The following POLR1D variants were observed in gnomAD, a reference collection of about 807,000 sequenced individuals.
The protein encoded by POLR1D is RNA polymerase I and III subunit D.
In POLR1D, 8 loss-of-function variants were observed where a neutral mutation model predicts 10.8. That is an observed-to-expected ratio of 0.74 (90% CI 0.43 to 1.33). The LOEUF (loss-of-function observed/expected upper bound fraction) is 1.33. POLR1D is among the 40% of genes most tolerant of loss of function. The pLI, the probability that POLR1D is intolerant of heterozygous loss-of-function variation, is 0.01. For synonymous variants in POLR1D, 54 were observed against 57.2 expected (o/e 0.94, Z 0.25); for missense variants, 152 against 161.7 (o/e 0.94, Z 0.32).
At chr13:27,629,864 C>G (rs533393110) in intron 1 of POLR1D, among the ~76,000 whole-genome samples, 2 of 152,284 alleles carry the variant, frequency 1.3e-5, no homozygotes, top group African/African-American at 2.4e-5. Context: ...AGGGCTCAAT[C>G]TAGGTCAGTT....
At chr13:27,621,889 G>C (rs964445193), upstream of POLR1D, 11 of 1,341,160 alleles carry the variant, frequency 8.2e-6, no homozygotes, top group Non-Finnish European at 1.2e-5. Context: ...TCCGTCGGTC[G>C]GTCCTTGCTT....
intron 1 of POLR1D, among the ~76,000 whole-genome samples, chr13:27,637,443 AC>A (rs1040621157): frequency 2.0e-5 from 3 of 151,870 alleles, no homozygotes; most frequent in African/African-American, 7.3e-5. Flanking sequence ...TCAATATAAA[AC>A]CTTATTTGCA....
At chr13:27,635,787 T>C (rs1158238027) in intron 1 of POLR1D, among the ~76,000 whole-genome samples, 1 of 150,834 alleles carries the variant, frequency 6.6e-6, no homozygotes, top group Non-Finnish European at 1.5e-5. Flanking sequence ...GAAAGGATAG[T>C]AGAAATATCT....
chr13:27,659,424 G>A lies in POLR1D; in HGVS notation c.102-6262G>A, dbSNP rs147945094. On this transcript the variant is annotated intron_variant, in intron 2 of 2. Transcript: ENST00000399697. ...CTTGGCAATATTTTCAGGCCACAGA[G>A]ATCCAAAGCCTTTATACGTATAGAA... Among the ~76,000 whole-genome samples the A allele has an allele frequency of 6.4e-3, 974 of 152,316 alleles. 9 individuals carry two copies. The highest frequency in any genetic ancestry group is 0.014 in the Middle Eastern group (4 of 294).
exon 3 of POLR1D, chr13:27,666,414 G>A (rs577146025): frequency 3.2e-4 from 49 of 154,874 alleles, no homozygotes; most frequent in African/African-American, 1.1e-3. Context: ...GCCCTCCAAG[G>A]TCTGGGAATT....
intron 1 of POLR1D, among the ~76,000 whole-genome samples, chr13:27,647,684 CAT>C (rs1259900365): frequency 6.6e-6 from 1 of 152,180 alleles, no homozygotes; most frequent in African/African-American, 2.4e-5. Flanking sequence ...TAATCTTCCA[CAT>C]ATGTGGATAT....
intron 1 of POLR1D, among the ~76,000 whole-genome samples, chr13:27,638,172 C>G (rs1056924423): frequency 3.9e-5 from 6 of 152,160 alleles, no homozygotes; most frequent in African/African-American, 1.2e-4. Context: ...CTAGAGTGGG[C>G]TACACCCTCT....
downstream of POLR1D, among the ~76,000 whole-genome samples, chr13:27,624,261 A>G (rs1271801600): frequency 1.3e-5 from 2 of 152,120 alleles, no homozygotes; most frequent in Non-Finnish European, 2.9e-5. Context: ...TGGCCTTGGC[A>G]TTTACTATGC....
At chr13:27,633,135 G>C (rs1416354953) in intron 1 of POLR1D, among the ~76,000 whole-genome samples, 1 of 152,166 alleles carries the variant, frequency 6.6e-6, no homozygotes, top group Admixed American at 6.5e-5. Context: ...TAGAGTGCCA[G>C]AGGAGTAGCC....
At chr13:27,655,440 T>C (rs1956299770) in intron 2 of POLR1D, among the ~76,000 whole-genome samples, 1 of 152,186 alleles carries the variant, frequency 6.6e-6, no homozygotes, top group South Asian at 2.1e-4. Flanking sequence ...AAAAATGTCT[T>C]TTATAGTGGT....
intron 2 of POLR1D, among the ~76,000 whole-genome samples, chr13:27,649,076 A>G (rs1956245030): frequency 6.6e-6 from 1 of 152,186 alleles, no homozygotes; most frequent in Admixed American, 6.5e-5. Flanking sequence ...CAAACCAAAA[A>G]AAACACCCTT....
chr13:27,642,793 A>G (rs1231611453), intron 1 of POLR1D, among the ~76,000 whole-genome samples: 1 of 152,228 alleles, frequency 6.6e-6, no homozygotes. Flanking sequence ...TTTTATCCTC[A>G]TAACAACCCT....
At position 27,644,367 on chromosome 13, in the gene POLR1D, G is replaced by C. The variant is rs1956200796; in HGVS notation, c.27-4012G>C. 3.3e-5 allele frequency among the ~76,000 whole-genome samples: 5 copies of C among 152,322 alleles called. No homozygotes were observed. In the South Asian group the frequency reaches 1.0e-3, roughly 32 times the overall value. On this transcript the variant is annotated intron_variant, in intron 1 of 2. Transcript: ENST00000399697. Reference sequence around the variant, plus strand: ...TAATTTGTTTGACTTTGGATTTTAAGATGATTTTGTACCAGATTTGCATTC... The same window carrying C: ...TAATTTGTTTGACTTTGGATTTTAACATGATTTTGTACCAGATTTGCATTC...
At chr13:27,623,672 A>C (rs1472109426), downstream of POLR1D, among the ~76,000 whole-genome samples, 1 of 137,922 alleles carries the variant, frequency 7.3e-6, no homozygotes, top group Non-Finnish European at 1.6e-5. Context: ...GTTGTTTAAA[A>C]ACAGAAGGAA....
At chr13:27,648,373 T>C (rs756175577) in intron 1 of POLR1D, 1 of 1,590,508 alleles carries the variant, frequency 6.3e-7, no homozygotes, top group South Asian at 1.1e-5. Context: ...TCCTTTTTCT[T>C]ATCAGGAAAG....
At chr13:27,654,421 A>G (rs975261622) in intron 2 of POLR1D, among the ~76,000 whole-genome samples, 1 of 152,330 alleles carries the variant, frequency 6.6e-6, no homozygotes, top group African/African-American at 2.4e-5. Context: ...TATCATCACC[A>G]ATCTCATCAG....
intron 2 of POLR1D, among the ~76,000 whole-genome samples, chr13:27,649,734 A>G (rs898886892): frequency 1.3e-5 from 2 of 152,190 alleles, no homozygotes; most frequent in African/African-American, 4.8e-5. Context: ...CTTCACAGAA[A>G]AGGTCTAGAA....
At chr13:27,662,035 G>A (rs1032990895) in intron 2 of POLR1D, among the ~76,000 whole-genome samples, 1 of 151,592 alleles carries the variant, frequency 6.6e-6, no homozygotes, top group African/African-American at 2.4e-5. Flanking sequence ...CCCTTTTTTT[G>A]GAAACTTATG....
chr13:27,639,500 C>T (rs1956156428), intron 1 of POLR1D, among the ~76,000 whole-genome samples: 1 of 152,122 alleles, frequency 6.6e-6, no homozygotes, highest in Non-Finnish European at 1.5e-5. Flanking sequence ...AAAAATTTAC[C>T]ATAGCACATT....
Sources: allele counts gnomAD v4.1 joint callset (sites outside exome capture counted in the v4.1 genomes callset), GRCh38; gene constraint gnomAD v4.1.1; transcripts MANE v1.5; gene names NCBI Gene and HGNC (gene_info 2026-07-23, HGNC 2026-07-21).